The following MOBP variants were observed in gnomAD, a reference collection of about 807,000 sequenced individuals.
The protein encoded by MOBP is myelin associated oligodendrocyte basic protein, also known as myelin-associated oligodendrocyte basic protein.
A neutral mutation model predicts 15.0 loss-of-function variants in MOBP; 5 were observed. The ratio of observed to expected loss-of-function variants is 0.33; its 90% CI spans 0.17 to 0.70. The LOEUF (loss-of-function observed/expected upper bound fraction) is 0.70, where lower values mean the gene tolerates loss of function less well. Ranked by LOEUF, MOBP falls within the 30% of genes least tolerant of loss-of-function variation. The pLI, the probability that MOBP is intolerant of heterozygous loss-of-function variation, is 0.67. For synonymous variants in MOBP, 88 were observed against 99.0 expected (o/e 0.89, Z 0.66); for missense variants, 188 against 257.8 (o/e 0.73, Z 1.85).
At chr3:39,478,933 A>C (rs541529221) in intron 1 of MOBP, among the ~76,000 whole-genome samples, 25 of 151,764 alleles carry the variant, frequency 1.6e-4, no homozygotes, top group African/African-American at 5.8e-4. Context: ...GGGTTCAAGC[A>C]ATTCTCCTGC....
chr3:39,475,523 C>G (rs1262963980), intron 1 of MOBP, among the ~76,000 whole-genome samples: 1 of 152,086 alleles, frequency 6.6e-6, no homozygotes, highest in Non-Finnish European at 1.5e-5. Flanking sequence ...TTCTATTTCT[C>G]TCATTACTTC....
chr3:39,469,334 T>C (rs371487872), intron 1 of MOBP, among the ~76,000 whole-genome samples: 14 of 141,884 alleles, frequency 9.9e-5, no homozygotes, highest in Non-Finnish European at 1.5e-4. Flanking sequence ...TTAATTTTAA[T>C]TAAAATTTAT....
At chr3:39,523,152 C>T (rs1339154526) in intron 3 of MOBP, among the ~76,000 whole-genome samples, 1 of 152,102 alleles carries the variant, frequency 6.6e-6, no homozygotes. Context: ...CTTAAGCTAA[C>T]AAAAAATTGC....
rs1244398173 is a variant in MOBP at position 39,469,190 on chromosome 3, GTA to G, written c.-89+1455_-89+1456del. On this transcript the variant is annotated intron_variant, in intron 1 of 3. Coordinates refer to ENST00000684792, the MANE Select transcript of MOBP (RefSeq NM_001393704.1). ...TATACATATATACATGTGTGTGTGT[GTA>G]TATACATATATACATGTGTGTGTAT... 1.7e-4 allele frequency among the ~76,000 whole-genome samples: 10 copies of G among 60,092 alleles called. 3 individuals are homozygous for G. The highest frequency in any genetic ancestry group is 7.7e-4 in the East Asian group (2 of 2,582). The allele number at this position is 60,092 out of a possible 152,430, so 39.4% of individuals were successfully genotyped here.
At chr3:39,468,806 ATGTG>A (rs1491265975) in intron 1 of MOBP, among the ~76,000 whole-genome samples, 1 of 121,264 alleles carries the variant, frequency 8.2e-6, no homozygotes, top group Non-Finnish European at 1.6e-5. Context: ...ATATATACAT[ATGTG>A]TGTGTATACA....
At chr3:39,515,295 A>G (rs933420170) in exon 5 of MOBP, 1 of 152,294 alleles carries the variant, frequency 6.6e-6, no homozygotes, top group Non-Finnish European at 1.5e-5. Context: ...ATCCATCTCT[A>G]TTCAAATTCC....
At chr3:39,524,357 T>G (rs1215188421) in intron 4 of MOBP, 1 of 152,242 alleles carries the variant, frequency 6.6e-6, no homozygotes, top group Non-Finnish European at 1.5e-5. Context: ...CCTTGTTGCT[T>G]TTAAGATTTT....
At chr3:39,503,278 A>G (rs112315734), downstream of MOBP, among the ~76,000 whole-genome samples, 1 of 152,232 alleles carries the variant, frequency 6.6e-6, no homozygotes, top group Non-Finnish European at 1.5e-5. Flanking sequence ...CCATCTCCCA[A>G]CACACTTCAT....
chr3:39,502,599 G>A lies in MOBP; in HGVS notation c.271G>A (p.Val91Ile). 4 of 1,566,976 alleles carry A rather than the reference G, an allele frequency of 2.6e-6. No homozygotes were observed. Among genetic ancestry groups the A allele is most frequent in the Non-Finnish European group, 3.4e-6 (4 of 1,165,932 alleles). ...KQQPAAPPAVVRAPAKPRSPP... is the reference protein window; with the variant it reads ...KQQPAAPPAVIRAPAKPRSPP... ...ACAGCCAGCTGCGCCCCCCGCGGTG[G>A]TCAGAGCGCCAGCCAAGCCACGGTC... is the stretch of plus-strand genomic sequence containing the variant. Residue 91 changes from valine to isoleucine, a missense_variant, in exon 4 of 4, where the codon GTC becomes ATC. This residue lies in a region of MOBP where 133 missense variants were observed against 212.5 expected (regional missense o/e 0.63). Coordinates refer to ENST00000684792, the MANE Select transcript of MOBP (RefSeq NM_001393704.1). This position sits in a 1 kb window ranked among gnomAD's most constrained non-coding sequence, Gnocchi z 6.3.
At chr3:39,482,362 C>T (rs2042640171) in intron 2 of MOBP, among the ~76,000 whole-genome samples, 2 of 152,272 alleles carry the variant, frequency 1.3e-5, no homozygotes, top group South Asian at 4.1e-4. Flanking sequence ...TACAAAAACG[C>T]ACCTCTGGGT....
intron 1 of MOBP, among the ~76,000 whole-genome samples, chr3:39,472,571 C>T (rs578070842): frequency 1.3e-5 from 2 of 152,332 alleles, no homozygotes; most frequent in Non-Finnish European, 1.5e-5. Context: ...GAAGGATATT[C>T]CCATGATGGA....
intron 2 of MOBP, among the ~76,000 whole-genome samples, chr3:39,491,865 G>T (rs2042799941): frequency 6.6e-6 from 1 of 152,180 alleles, no homozygotes; most frequent in Admixed American, 6.5e-5. Flanking sequence ...ACCATGGTGG[G>T]GGATGTGGGT....
chr3:39,498,760 A>T (rs1459109051), intron 2 of MOBP, among the ~76,000 whole-genome samples: 1 of 152,126 alleles, frequency 6.6e-6, no homozygotes, highest in Non-Finnish European at 1.5e-5. Flanking sequence ...ACTAGAGGTG[A>T]TGCTGCCCCC....
rs1174342698 is a variant in MOBP, at chr3:39,468,998, GTA to G, written c.-89+1265_-89+1266del. 1.9e-5 allele frequency among the ~76,000 whole-genome samples: 2 copies of G among 105,764 alleles called. 1 individual carries two copies. The highest frequency in any genetic ancestry group is 9.9e-5 in the African/African-American group (2 of 20,120). The allele number at this position is 105,764 out of a possible 152,430, so 69.4% of individuals were successfully genotyped here. A position where few individuals can be genotyped will look rare whatever the true frequency, so the allele number is the denominator to read the frequency against. ...TATATACATATATACATATGTGTGTGTATATATACATATATACATATGTGTGT... is the reference window on the plus strand; with the variant it reads ...TATATACATATATACATATGTGTGTGTATATACATATATACATATGTGTGT... On this transcript the variant is annotated intron_variant, in intron 1 of 3. Transcript: ENST00000684792.
chr3:39,496,782 G>A (rs10049159), intron 2 of MOBP, among the ~76,000 whole-genome samples: 4,465 of 152,140 alleles, frequency 0.029, 231 homozygotes, highest in African/African-American at 0.1. Context: ...TCCTGCCTCA[G>A]CCTCTCAAGT....
chr3:39,498,073 G>GGC (rs2042911739), intron 2 of MOBP, among the ~76,000 whole-genome samples: 1 of 152,200 alleles, frequency 6.6e-6, no homozygotes, highest in African/African-American at 2.4e-5. Flanking sequence ...TAAACCGTTA[G>GGC]GTGGAACTTA....
chr3:39,517,321 C>A (rs1475835006), downstream of MOBP, among the ~76,000 whole-genome samples: 1 of 152,074 alleles, frequency 6.6e-6, no homozygotes, highest in East Asian at 1.9e-4. Flanking sequence ...GTTGTCATGA[C>A]CCCCATGGCC....
intron 2 of MOBP, among the ~76,000 whole-genome samples, chr3:39,483,360 A>G (rs1350432557): frequency 6.6e-6 from 1 of 152,262 alleles, no homozygotes; most frequent in African/African-American, 2.4e-5. Context: ...TGTGACTCAG[A>G]TGATGGTCTT....
intron 3 of MOBP, among the ~76,000 whole-genome samples, chr3:39,523,069 A>G (rs1292019860): frequency 2.0e-5 from 3 of 152,208 alleles, no homozygotes; most frequent in African/African-American, 7.2e-5. Flanking sequence ...AGATGACACA[A>G]TGTCAGATCT....
Sources: gnomAD v4.1 joint callset for allele counts (sites outside exome capture counted in the v4.1 genomes callset) on GRCh38, gnomAD v4.1.1 for gene constraint, gnomAD v4.1.1 regional missense constraint, Gnocchi (gnomAD v3.1) non-coding constraint, MANE v1.5 for transcripts, NCBI Gene and HGNC (gene_info 2026-07-23, HGNC 2026-07-21) for gene names.